Variants in PDE8B observed in about 807,000 individuals in gnomAD.
PDE8B encodes the protein high affinity cAMP-specific and IBMX-insensitive 3',5'-cyclic phosphodiesterase 8B.
Under a neutral mutation model 101.3 loss-of-function variants are expected in PDE8B, and 26 were observed. The observed-to-expected ratio is 0.26, with a 90% CI of 0.19 to 0.36. PDE8B has a LOEUF of 0.36. Ranked by LOEUF, PDE8B falls within the 10% of genes least tolerant of loss-of-function variation. The pLI is 1.00. For missense variants in PDE8B, 810 were observed against 1,163.1 expected (o/e 0.70, Z 4.42); for synonymous variants, 424 against 429.3 (o/e 0.99, Z 0.15).
At position 77,419,782 on chromosome 5, in the gene PDE8B, G is replaced by A. The variant is rs112049153; in HGVS notation, c.2145G>A (p.Thr715=). Residue 715 remains threonine (T), a synonymous_variant, in exon 19 of 22, where the codon ACG becomes ACA. Coordinates refer to ENST00000264917, the MANE Select transcript of PDE8B (RefSeq NM_003719.5). Reference sequence around the variant, plus strand: ...GTTATTTTAGGAACCATTATCGAACGCTGCGCCAGGCTATTATTGACATGG... The same window carrying A: ...GTTATTTTAGGAACCATTATCGAACACTGCGCCAGGCTATTATTGACATGG... ...FKNIDRNHYR[T]LRQAIIDMVL... is the part of the protein sequence containing the mutation. 414 of 1,613,964 alleles carry A rather than the reference G, an allele frequency of 2.6e-4. 4 individuals carry two copies. The highest frequency in any genetic ancestry group is 2.1e-3 in the Middle Eastern group (13 of 6,060).
intron 10 of PDE8B, among the ~76,000 whole-genome samples, chr5:77,364,150 A>G (rs1174117454): frequency 1.3e-5 from 2 of 152,206 alleles, no homozygotes; most frequent in Non-Finnish European, 2.9e-5. Flanking sequence ...CTTGAAGGCC[A>G]TGAGAGCACC....
At chr5:77,129,601 AC>A in the PDE8B span, among the ~76,000 whole-genome samples, 1 of 152,210 alleles carries the variant, frequency 6.6e-6, no homozygotes, top group African/African-American at 2.4e-5. Context: ...AGCTGTGCCC[AC>A]CGGAGGGAGC....
the PDE8B span, among the ~76,000 whole-genome samples, chr5:77,179,628 G>A: frequency 6.6e-6 from 1 of 152,212 alleles, no homozygotes; most frequent in African/African-American, 2.4e-5. Flanking sequence ...ATTTGGGTGG[G>A]GGGCGGCTCT....
chr5:77,156,466 A>G, the PDE8B span, among the ~76,000 whole-genome samples: 1 of 152,168 alleles, frequency 6.6e-6, no homozygotes, highest in Non-Finnish European at 1.5e-5. Context: ...GACCCCAGGA[A>G]TTTCCTTTCA....
intron 1 of PDE8B, among the ~76,000 whole-genome samples, chr5:77,260,692 A>G (rs1232054377): frequency 6.7e-6 from 1 of 150,264 alleles, no homozygotes; most frequent in Non-Finnish European, 1.5e-5. Flanking sequence ...GGTTCAGTCA[A>G]TTCTCACGCC....
chr5:77,255,591 C>T (rs1471604886), intron 1 of PDE8B, among the ~76,000 whole-genome samples: 1 of 152,218 alleles, frequency 6.6e-6, no homozygotes, highest in Non-Finnish European at 1.5e-5. Context: ...CCCCGAACTC[C>T]CCTGGCTGAA....
At chr5:77,336,953 G>A (rs1329382866) in intron 5 of PDE8B, among the ~76,000 whole-genome samples, 1 of 152,126 alleles carries the variant, frequency 6.6e-6, no homozygotes, top group East Asian at 1.9e-4. Flanking sequence ...TTACATGGCT[G>A]GGCAGGCATT....
At chr5:77,180,197 G>C in the PDE8B span, among the ~76,000 whole-genome samples, 5 of 152,202 alleles carry the variant, frequency 3.3e-5, no homozygotes, top group Non-Finnish European at 7.3e-5. Context: ...AGCTCAGCGG[G>C]CTCAAAGTCT....
intron 12 of PDE8B, among the ~76,000 whole-genome samples, chr5:77,406,053 G>A (rs1793366928): frequency 1.3e-5 from 2 of 152,172 alleles, no homozygotes; most frequent in South Asian, 4.1e-4. Flanking sequence ...TTGGGAGGCT[G>A]AGGCAGGCGG....
At chr5:77,179,568 T>G in the PDE8B span, among the ~76,000 whole-genome samples, 3 of 152,362 alleles carry the variant, frequency 2.0e-5, no homozygotes, top group African/African-American at 7.2e-5. Flanking sequence ...AGCTTCATAG[T>G]GTCTGCTTAG....
chr5:77,210,746 G>C lies in PDE8B; in HGVS notation c.-180G>C. 1.0e-6 allele frequency: 1 copy of C among 982,150 alleles called. No homozygotes were observed. The highest frequency in any genetic ancestry group is 4.7e-5 in the South Asian group (1 of 21,274). The allele number at this position is 982,150 out of a possible 1,614,324, so 60.8% of individuals were successfully genotyped here. ...AAGGGAAAGTTGGGGTGACGCGCGC[G>C]GTCCCCGGAGGCTCGGCGGGGGGCA... is the stretch of plus-strand genomic sequence containing the variant. On this transcript the variant is annotated 5_prime_UTR_variant, in exon 1 of 22. Coordinates refer to ENST00000264917, the MANE Select transcript of PDE8B (RefSeq NM_003719.5). The surrounding 1 kb of genome is among the most constrained non-coding windows in gnomAD (Gnocchi z 4.9).
chr5:77,267,579 C>T (rs74712930), intron 1 of PDE8B, among the ~76,000 whole-genome samples: 4,467 of 152,196 alleles, frequency 0.029, 217 homozygotes, highest in African/African-American at 0.1. Flanking sequence ...CAGATGTCAG[C>T]AGGAACCAGT....
chr5:77,155,152 T>C, the PDE8B span, among the ~76,000 whole-genome samples: 2 of 152,164 alleles, frequency 1.3e-5, no homozygotes, highest in African/African-American at 4.8e-5. Context: ...TCTCTCTCTC[T>C]TTTTCTCTCT....
intron 10 of PDE8B, among the ~76,000 whole-genome samples, chr5:77,356,959 C>T (rs1259038920): frequency 6.6e-6 from 1 of 152,174 alleles, no homozygotes; most frequent in African/African-American, 2.4e-5. Context: ...CAGCTCCAGA[C>T]TCACTGAGCC....
intron 1 of PDE8B, chr5:77,291,605 A>G: frequency 6.3e-7 from 1 of 1,598,044 alleles, no homozygotes; most frequent in Non-Finnish European, 8.6e-7. Flanking sequence ...TTGGACCTAA[A>G]GGATCAGACT....
intron 6 of PDE8B, among the ~76,000 whole-genome samples, chr5:77,340,270 G>T (rs748339319): frequency 6.6e-6 from 1 of 152,106 alleles, no homozygotes; most frequent in Non-Finnish European, 1.5e-5. Context: ...AAAATTTTTG[G>T]TGGGCAAAAC....
chr5:77,089,500 T>G, the PDE8B span: 3 of 152,264 alleles, frequency 2.0e-5, no homozygotes, highest in South Asian at 2.1e-4. Context: ...CCCAAACCTA[T>G]TCCCCACCCC....
chr5:77,410,268 G>A (rs905495227), intron 14 of PDE8B, among the ~76,000 whole-genome samples: 2 of 152,276 alleles, frequency 1.3e-5, no homozygotes, highest in Non-Finnish European at 2.9e-5. Flanking sequence ...GCAGCTCAGA[G>A]GCAGCACTGC....
chr5:77,372,880 T>C (rs777052815), intron 10 of PDE8B, among the ~76,000 whole-genome samples: 25 of 152,196 alleles, frequency 1.6e-4, no homozygotes, highest in Non-Finnish European at 3.7e-4. Context: ...ATACAAAAAT[T>C]AGCTGGGTGT....
Sources: allele counts gnomAD v4.1 joint callset (sites outside exome capture counted in the v4.1 genomes callset), GRCh38; gene constraint gnomAD v4.1.1; non-coding constraint Gnocchi (gnomAD v3.1); transcripts MANE v1.5; gene names NCBI Gene and HGNC (gene_info 2026-07-23, HGNC 2026-07-21).